Variants in KCNIP4 observed in about 807,000 individuals in gnomAD.
KCNIP4 encodes the protein Kv channel-interacting protein 4.
Under a neutral mutation model 34.0 loss-of-function variants are expected in KCNIP4, and 12 were observed. The ratio of observed to expected loss-of-function variants is 0.35; its 90% CI spans 0.23 to 0.57. KCNIP4 has a LOEUF of 0.57. Among genes scored for constraint, KCNIP4 ranks in the 20% least tolerant of loss-of-function variants. KCNIP4 has a pLI of 0.83. For synonymous variants in KCNIP4, 124 were observed against 102.2 expected (o/e 1.21, Z -1.29); for missense variants, 238 against 311.7 (o/e 0.76, Z 1.78).
chr4:21,423,110 A>ACTTGT (rs1560390629), intron 1 of KCNIP4, among the ~76,000 whole-genome samples: 9 of 152,176 alleles, frequency 5.9e-5, no homozygotes, highest in Non-Finnish European at 1.3e-4. Context: ...AAGAGATAGC[A>ACTTGT]CCTGGACAAG....
intron 1 of KCNIP4, among the ~76,000 whole-genome samples, chr4:21,627,662 G>T (rs151015205): frequency 2.0e-3 from 299 of 152,166 alleles, no homozygotes; most frequent in African/African-American, 6.8e-3. Context: ...TGAAGAACTT[G>T]CCAAAACATA....
intron 1 of KCNIP4, among the ~76,000 whole-genome samples, chr4:21,451,743 C>G (rs1055290063): frequency 6.6e-6 from 1 of 152,046 alleles, no homozygotes; most frequent in Non-Finnish European, 1.5e-5. Flanking sequence ...TCAAAACTAC[C>G]TTAAGGTGGT....
In KCNIP4 at chr4:20,758,830, G is replaced by A; in HGVS notation, c.349C>T (p.Pro117Ser). Reference sequence around the variant, plus strand: ...CCACATTTGTACTTACCTCCCTGTGGAAAGAACTGCGAGTAAATCTCTTTG... The same window carrying A: ...CCACATTTGTACTTACCTCCCTGTGAAAAGAACTGCGAGTAAATCTCTTTG... Reference protein sequence around the residue: ...TFKEIYSQFFPQGDSTTYAHF... With the variant: ...TFKEIYSQFFSQGDSTTYAHF... Residue 117 changes from proline (P) to serine (S), a missense_variant, in exon 4 of 9, where the codon CCA becomes TCA. Pro to Ser is a moderately conservative substitution (Grantham distance 74). Coordinates refer to ENST00000382152, the MANE Select transcript of KCNIP4 (RefSeq NM_025221.6). The A allele has an allele frequency of 6.2e-7, 1 of 1,612,644 alleles. No homozygotes were observed. The highest frequency in any genetic ancestry group is 8.5e-7 in the Non-Finnish European group (1 of 1,178,908).
At chr4:21,351,677 A>T (rs921747761) in intron 1 of KCNIP4, among the ~76,000 whole-genome samples, 1 of 152,176 alleles carries the variant, frequency 6.6e-6, no homozygotes, top group Non-Finnish European at 1.5e-5. Context: ...CCCTAATCCA[A>T]TATGGTTGGT....
At chr4:20,768,530 A>G (rs749953608) in intron 3 of KCNIP4, among the ~76,000 whole-genome samples, 1 of 152,244 alleles carries the variant, frequency 6.6e-6, no homozygotes, top group South Asian at 2.1e-4. Context: ...ATTAAGAACT[A>G]GAGCTGGCTA....
chr4:21,334,500 T>A (rs1375215667), intron 1 of KCNIP4, among the ~76,000 whole-genome samples: 1 of 152,066 alleles, frequency 6.6e-6, no homozygotes, highest in Non-Finnish European at 1.5e-5. Context: ...TACCATTTTT[T>A]AAAATAGCTT....
At chr4:21,864,905 T>C (rs1395324017) in intron 1 of KCNIP4, among the ~76,000 whole-genome samples, 1 of 152,210 alleles carries the variant, frequency 6.6e-6, no homozygotes, top group Non-Finnish European at 1.5e-5. Flanking sequence ...CTACCAGACA[T>C]ATGCAGAAGC....
chr4:21,013,544 C>G (rs1739251184), intron 1 of KCNIP4, among the ~76,000 whole-genome samples: 1 of 152,088 alleles, frequency 6.6e-6, no homozygotes, highest in Non-Finnish European at 1.5e-5. Context: ...CTTTTGGGCT[C>G]AGAATGAATC....
Position 21,103,310 on chromosome 4 carries a change from TAATATA to T in KCNIP4, c.62-220607_62-220602del, listed in dbSNP as rs537288071. Among the ~76,000 whole-genome samples the T allele has an allele frequency of 3.3e-3, 483 of 146,642 alleles. 2 individuals are homozygous for T. Among genetic ancestry groups the T allele is most frequent in the African/African-American group, 0.011 (441 of 40,446 alleles). ...CATGACATTATATATATAACATATA[TAATATA>T]TAATATAAAATATATATAATATATA... On this transcript the variant is annotated intron_variant, in intron 1 of 8. Transcript: ENST00000382152.
chr4:20,867,052 G>A (rs1033221897), intron 2 of KCNIP4, among the ~76,000 whole-genome samples: 3 of 151,928 alleles, frequency 2.0e-5, no homozygotes, highest in Non-Finnish European at 4.4e-5. Flanking sequence ...TAGACTGAAA[G>A]AATCAGTGTT....
In KCNIP4 at chr4:21,647,969, G is replaced by A. The variant is rs1048912786; in HGVS notation, c.61+300602C>T. Among the ~76,000 whole-genome samples the A allele has an allele frequency of 3.4e-4, 49 of 145,302 alleles. 1 individual carries two copies. Among genetic ancestry groups the A allele is most frequent in the African/African-American group, 1.1e-3 (44 of 38,740 alleles). On this transcript the variant is annotated intron_variant, in intron 1 of 8. Transcript: ENST00000382152. ...GCTCATTGCAAGCTCCATCTCCCGG[G>A]TTCACGCCATTCTCCTGCCTCAGCC...
At chr4:20,814,812 G>T (rs1228931039) in intron 3 of KCNIP4, among the ~76,000 whole-genome samples, 2 of 152,126 alleles carry the variant, frequency 1.3e-5, no homozygotes, top group Non-Finnish European at 2.9e-5. Flanking sequence ...GGACGACCTG[G>T]AGAAATTATT....
chr4:21,244,523 A>C (rs1045663352), intron 1 of KCNIP4, among the ~76,000 whole-genome samples: 8 of 152,216 alleles, frequency 5.3e-5, no homozygotes, highest in African/African-American at 1.2e-4. Flanking sequence ...TTTGCAATTG[A>C]CTGTGGATCC....
intron 1 of KCNIP4, among the ~76,000 whole-genome samples, chr4:21,230,796 C>T (rs546216932): frequency 6.6e-6 from 1 of 152,258 alleles, no homozygotes; most frequent in Admixed American, 6.5e-5. Context: ...CATGTCTTTG[C>T]TATTGTGACT....
intron 1 of KCNIP4, among the ~76,000 whole-genome samples, chr4:21,155,890 TTATC>T (rs202040638): frequency 0.013 from 1,965 of 152,288 alleles, 22 homozygotes; most frequent in South Asian, 0.026. Context: ...GCTCCCTTGC[TTATC>T]TATCTATTAT....
intron 3 of KCNIP4, among the ~76,000 whole-genome samples, chr4:20,776,116 G>C (rs1560456756): frequency 6.6e-6 from 1 of 152,102 alleles, no homozygotes; most frequent in Non-Finnish European, 1.5e-5. Context: ...CTCATGGATA[G>C]TCTAGACATT....
intron 1 of KCNIP4, among the ~76,000 whole-genome samples, chr4:21,109,337 T>C (rs889141849): frequency 6.8e-4 from 104 of 152,370 alleles, no homozygotes; most frequent in African/African-American, 2.4e-3. Flanking sequence ...CGCTGCTGCC[T>C]TGCAGTTTGA....
In KCNIP4 at chr4:21,138,662, G is replaced by A. The variant is rs536422080; in HGVS notation, c.62-255953C>T. On this transcript the variant is annotated intron_variant, in intron 1 of 8. Coordinates refer to ENST00000382152, the MANE Select transcript of KCNIP4 (RefSeq NM_025221.6). ...ACTTACATACTAAAAGGGACTTTGC[G>A]TATGTGATTACCTTAAGGATCTTGA... Among the ~76,000 whole-genome samples, 113 of 151,992 alleles carry A rather than the reference G, an allele frequency of 7.4e-4. 1 individual carries two copies. The highest frequency in any genetic ancestry group is 3.7e-4 in the Non-Finnish European group (25 of 68,024).
intron 1 of KCNIP4, among the ~76,000 whole-genome samples, chr4:21,146,478 A>AT (rs1752366423): frequency 1.3e-5 from 2 of 152,196 alleles, no homozygotes; most frequent in Admixed American, 1.3e-4. Context: ...AGCTACCAGC[A>AT]TTTATCTTTA....
Sources: allele counts gnomAD v4.1 joint callset (sites outside exome capture counted in the v4.1 genomes callset), GRCh38; gene constraint gnomAD v4.1.1; transcripts MANE v1.5; gene names NCBI Gene and HGNC (gene_info 2026-07-23, HGNC 2026-07-21).